Variants in LINGO2 observed in about 807,000 individuals in gnomAD.
LINGO2 encodes leucine rich repeat and Ig domain containing 2.
In LINGO2, 14 loss-of-function variants were observed where a neutral mutation model predicts 30.6. The observed-to-expected ratio is 0.46, with a 90% confidence interval of 0.30 to 0.72. The LOEUF is 0.72. Ranked by LOEUF, LINGO2 falls within the 30% of genes least tolerant of loss-of-function variation. The pLI is 0.07. For missense variants in LINGO2, 729 were observed against 751.7 expected, an observed-to-expected ratio of 0.97 and a Z score of 0.35; for synonymous variants, 317 against 288.5, an observed-to-expected ratio of 1.10 and a Z score of -1.00.
rs545532818 is a variant in LINGO2, at chr9:28,255,306, C to T, written c.-87+39902G>A. On this transcript the variant is annotated intron_variant, in intron 4 of 5. Coordinates refer to ENST00000379992, the Ensembl canonical transcript of LINGO2. ...TCTGTACAGGTATTATAGTAGTCCC[C>T]ACTCGGAATGGCTTTTGACTTCTGC... Among the ~76,000 whole-genome samples the T allele has an allele frequency of 1.2e-3, 180 of 152,074 alleles. 1 individual carries two copies. Among genetic ancestry groups the T allele is most frequent in the Non-Finnish European group, 2.5e-3 (167 of 67,956 alleles).
At chr9:28,703,512 G>A in the LINGO2 span, among the ~76,000 whole-genome samples, 1 of 151,364 alleles carries the variant, frequency 6.6e-6, no homozygotes, top group African/African-American at 2.4e-5. Flanking sequence ...TTATGGCCAA[G>A]AATCTGGACT....
At chr9:28,841,393 A>G in the LINGO2 span, among the ~76,000 whole-genome samples, 3 of 151,810 alleles carry the variant, frequency 2.0e-5, no homozygotes, top group Admixed American at 2.0e-4. Context: ...CCTTATCTGT[A>G]ATACTGGGAA....
At chr9:29,009,789 G>C in the LINGO2 span, among the ~76,000 whole-genome samples, 1 of 152,106 alleles carries the variant, frequency 6.6e-6, no homozygotes, top group African/African-American at 2.4e-5. Flanking sequence ...ATACTACAAG[G>C]CTACAGTAAT....
chr9:28,501,837 C>T (rs1564246759), intron 1 of LINGO2, among the ~76,000 whole-genome samples: 1 of 151,988 alleles, frequency 6.6e-6, no homozygotes, highest in South Asian at 2.1e-4. Flanking sequence ...ATTTAGAATG[C>T]ATGAAAATTC....
chr9:29,083,329 A>G, the LINGO2 span, among the ~76,000 whole-genome samples: 1 of 152,120 alleles, frequency 6.6e-6, no homozygotes, highest in Non-Finnish European at 1.5e-5. Flanking sequence ...AAACTATCAC[A>G]AGGACAAAAA....
At chr9:28,030,274 A>T (rs577891066) in intron 4 of LINGO2, among the ~76,000 whole-genome samples, 1 of 152,336 alleles carries the variant, frequency 6.6e-6, no homozygotes, top group South Asian at 2.1e-4. Context: ...CATTTCTGAG[A>T]TTCTGAGATA....
At chr9:28,094,154 T>C (rs1486811289) in intron 4 of LINGO2, among the ~76,000 whole-genome samples, 2 of 152,054 alleles carry the variant, frequency 1.3e-5, no homozygotes, top group Admixed American at 1.3e-4. Flanking sequence ...TGTGGTATAA[T>C]GAGGGTAACC....
chr9:28,681,550 G>A, the LINGO2 span, among the ~76,000 whole-genome samples: 1 of 152,086 alleles, frequency 6.6e-6, no homozygotes, highest in Middle Eastern at 3.4e-3. Context: ...GAAGTAGTAA[G>A]GAAAAAGGGA....
chr9:28,900,867 C>T, the LINGO2 span, among the ~76,000 whole-genome samples: 1 of 151,920 alleles, frequency 6.6e-6, no homozygotes, highest in South Asian at 2.1e-4. Context: ...AATTGAAAAA[C>T]AATTGGTTTA....
intron 4 of LINGO2, among the ~76,000 whole-genome samples, chr9:28,142,026 A>G (rs928277531): frequency 6.6e-6 from 1 of 152,210 alleles, no homozygotes; most frequent in African/African-American, 2.4e-5. Flanking sequence ...TCTGGTTACC[A>G]TGTGACCAAG....
At chr9:29,119,561 TA>T in the LINGO2 span, among the ~76,000 whole-genome samples, 1 of 150,674 alleles carries the variant, frequency 6.6e-6, no homozygotes, top group Admixed American at 6.6e-5. Flanking sequence ...TGAATCATAT[TA>T]CAAACAGTTG....
intron 1 of LINGO2, among the ~76,000 whole-genome samples, chr9:28,492,309 GACAA>G (rs1364798813): frequency 6.6e-6 from 1 of 152,036 alleles, no homozygotes; most frequent in African/African-American, 2.4e-5. Context: ...AAAATTCTAT[GACAA>G]ACAAATAAAG....
rs116555775 is a variant in LINGO2 at position 28,634,823 on chromosome 9, T to C, written c.-365+35377A>G. Among the ~76,000 whole-genome samples, 348 of 152,282 alleles carry C rather than the reference T, an allele frequency of 2.3e-3. 2 individuals carry two copies. Among genetic ancestry groups the C allele is most frequent in the African/African-American group, 7.8e-3 (323 of 41,556 alleles). ...ACCAAAGTAACATGGGAGGAGTTAA[T>C]CTTTTCCTCTGACTTCTGGAACAAA... On this transcript the variant is annotated intron_variant, in intron 1 of 5. Transcript: ENST00000379992.
the LINGO2 span, among the ~76,000 whole-genome samples, chr9:28,915,306 G>C: frequency 6.6e-6 from 1 of 152,040 alleles, no homozygotes; most frequent in African/African-American, 2.4e-5. Flanking sequence ...AGAAAGGCAC[G>C]GGTTCTCAAA....
intron 5 of LINGO2, among the ~76,000 whole-genome samples, chr9:27,972,486 A>G (rs889353752): frequency 6.6e-6 from 1 of 152,204 alleles, no homozygotes; most frequent in Non-Finnish European, 1.5e-5. Context: ...CAACAACCTC[A>G]GTCCGTCATG....
intron 3 of LINGO2, among the ~76,000 whole-genome samples, chr9:28,353,596 G>A (rs570926064): frequency 6.7e-4 from 102 of 151,622 alleles, no homozygotes; most frequent in African/African-American, 1.1e-3. Flanking sequence ...TCAGTGTGGC[G>A]ATTCCTCAGG....
intron 2 of LINGO2, among the ~76,000 whole-genome samples, chr9:28,384,708 C>G (rs575147811): frequency 6.6e-6 from 1 of 151,940 alleles, no homozygotes; most frequent in African/African-American, 2.4e-5. Flanking sequence ...AATAAAATTA[C>G]TTTAAAAATA....
the LINGO2 span, among the ~76,000 whole-genome samples, chr9:28,870,230 A>G: frequency 6.6e-6 from 1 of 152,164 alleles, no homozygotes; most frequent in East Asian, 1.9e-4. Context: ...CATAAAATCC[A>G]CAAAGTTTAT....
the LINGO2 span, among the ~76,000 whole-genome samples, chr9:29,177,805 T>C: frequency 6.6e-6 from 1 of 152,112 alleles, no homozygotes; most frequent in Non-Finnish European, 1.5e-5. Context: ...GTCAGTATCA[T>C]CATGTTGAAA....
Sources: allele counts gnomAD v4.1 joint callset (sites outside exome capture counted in the v4.1 genomes callset), GRCh38; gene constraint gnomAD v4.1.1; transcripts MANE v1.5; gene names NCBI Gene and HGNC (gene_info 2026-07-23, HGNC 2026-07-21).